Variants in CDH4 observed in about 807,000 individuals in gnomAD.
The protein encoded by CDH4 is cadherin-4.
A neutral mutation model predicts 86.0 loss-of-function variants in CDH4; 33 were observed. The ratio of observed to expected loss-of-function variants is 0.38; its 90% CI spans 0.29 to 0.51. The LOEUF (loss-of-function observed/expected upper bound fraction) is 0.51. Among genes scored for constraint, CDH4 ranks in the 20% least tolerant of loss-of-function variants. CDH4 has a pLI of 0.86. For synonymous variants in CDH4, 555 were observed against 549.4 expected, an observed-to-expected ratio of 1.01 and a Z score of -0.14; for missense variants, 1,114 against 1,307.4, an observed-to-expected ratio of 0.85 and a Z score of 2.28.
intron 4 of CDH4, among the ~76,000 whole-genome samples, chr20:61,793,305 C>T (rs1295912242): frequency 6.6e-6 from 1 of 151,464 alleles, no homozygotes; most frequent in Non-Finnish European, 1.5e-5. Flanking sequence ...CACTCCCAAG[C>T]AGAGCAAACA....
At chr20:61,852,499 A>T (rs1954036251) in intron 5 of CDH4, among the ~76,000 whole-genome samples, 1 of 152,042 alleles carries the variant, frequency 6.6e-6, no homozygotes, top group Non-Finnish European at 1.5e-5. Flanking sequence ...CCTGGGCCTG[A>T]CCATGGGGTG....
chr20:61,544,316 C>A lies in CDH4; in HGVS notation c.170-199247C>A, dbSNP rs1212605188. On this transcript the variant is annotated intron_variant, in intron 2 of 15. Transcript: ENST00000614565. The surrounding 1 kb of genome is among the most constrained non-coding windows in gnomAD (Gnocchi z 6.5). ...CGGCTAAACACCCCACAGCCCAGGA[C>A]AGCCTCGCAGCAGAAGCATCCAGCT... Among the ~76,000 whole-genome samples, 1 of 151,990 alleles carries A rather than the reference C, an allele frequency of 6.6e-6. No homozygotes were observed. Among genetic ancestry groups the A allele is most frequent in the Non-Finnish European group, 1.5e-5 (1 of 68,004 alleles).
chr20:61,522,956 A>G (rs2085883330), intron 2 of CDH4, among the ~76,000 whole-genome samples: 1 of 152,230 alleles, frequency 6.6e-6, no homozygotes, highest in African/African-American at 2.4e-5. Context: ...TGCATCTGGC[A>G]GTGCCCTGGC....
At chr20:61,285,645 G>C (rs193126015) in intron 2 of CDH4, among the ~76,000 whole-genome samples, 2 of 152,240 alleles carry the variant, frequency 1.3e-5, no homozygotes, top group Non-Finnish European at 2.9e-5. Context: ...GATGGATAGT[G>C]TATTCAGTTT....
chr20:61,679,767 G>A (rs2087488920), intron 2 of CDH4, among the ~76,000 whole-genome samples: 1 of 152,230 alleles, frequency 6.6e-6, no homozygotes, highest in Middle Eastern at 3.2e-3. Context: ...GGACGTTCTG[G>A]TTTCAGCAGC....
chr20:61,596,035 G>A (rs985158656), intron 2 of CDH4, among the ~76,000 whole-genome samples: 2 of 152,188 alleles, frequency 1.3e-5, no homozygotes, highest in Non-Finnish European at 2.9e-5. Context: ...GCATCCTTTG[G>A]GAACACACAG....
At chr20:61,362,199 G>A (rs1444735263) in intron 2 of CDH4, among the ~76,000 whole-genome samples, 1 of 152,190 alleles carries the variant, frequency 6.6e-6, no homozygotes, top group Non-Finnish European at 1.5e-5. Flanking sequence ...CACAGCAAGT[G>A]CAAAGCCTGG....
At position 61,934,369 on chromosome 20, in the gene CDH4, C is replaced by T. The variant is rs981012100; in HGVS notation, c.2544+149C>T. 6.2e-6 allele frequency: 5 copies of T among 812,300 alleles called. No individual in the cohort carries two copies. In the African/African-American group the frequency reaches 8.9e-5, roughly 14 times the overall value. The allele number at this position is 812,300 out of a possible 1,614,324, so 50.3% of individuals were successfully genotyped here. The stretch of plus-strand genomic sequence containing the variant: ...ACCCGGGTTCCAGGCCCTGCTCTGC[C>T]CCTCCAGCGGGGTGGCCTGGGCAAA... On this transcript the variant is annotated intron_variant, in intron 15 of 15. Coordinates refer to ENST00000614565, the MANE Select transcript of CDH4 (RefSeq NM_001794.5).
At chr20:61,854,990 C>A in intron 6 of CDH4, among the ~76,000 whole-genome samples, 1 of 121,370 alleles carries the variant, frequency 8.2e-6, no homozygotes, top group Non-Finnish European at 1.7e-5. Context: ...GCAGTGTGAA[C>A]AGGGTGAATT....
At chr20:61,818,780 G>C (rs1281246358) in intron 4 of CDH4, among the ~76,000 whole-genome samples, 1 of 151,836 alleles carries the variant, frequency 6.6e-6, no homozygotes, top group Non-Finnish European at 1.5e-5. Flanking sequence ...GGGGATTCCA[G>C]GATGGTGGGC....
chr20:61,928,108 G>C, intron 11 of CDH4, 82 bp from the exon 12 acceptor site: 1 of 1,058,974 alleles, frequency 9.4e-7, no homozygotes, highest in South Asian at 1.3e-5. Context: ...GTGGTTGTTT[G>C]TGTGCGTGTC....
In CDH4 at chr20:61,501,162, G is replaced by A. The variant is rs1196064727; in HGVS notation, c.170-242401G>A. Among the ~76,000 whole-genome samples, 1 of 152,194 alleles carries A rather than the reference G, an allele frequency of 6.6e-6. No individual in the cohort carries two copies. Among genetic ancestry groups the A allele is most frequent in the African/African-American group, 2.4e-5 (1 of 41,458 alleles). ...AACAGGCCACATCCGCTCCTGCTCT[G>A]AGCTACAATAGACTCAGGCTGGGGG... On this transcript the variant is annotated intron_variant, in intron 2 of 15. Coordinates refer to ENST00000614565, the MANE Select transcript of CDH4 (RefSeq NM_001794.5). The surrounding 1 kb of genome is among the most constrained non-coding windows in gnomAD (Gnocchi z 4.2).
intron 3 of CDH4, among the ~76,000 whole-genome samples, chr20:61,768,300 T>C (rs535977249): frequency 1.7e-4 from 26 of 152,210 alleles, no homozygotes; most frequent in Non-Finnish European, 3.4e-4. Context: ...TGTGTGTACA[T>C]GTAGTCATAC....
At chr20:61,455,086 G>A (rs1265579951) in intron 2 of CDH4, among the ~76,000 whole-genome samples, 2 of 152,092 alleles carry the variant, frequency 1.3e-5, no homozygotes, top group Non-Finnish European at 2.9e-5. Context: ...ACCCCAAAAA[G>A]TTCTATGTAA....
At chr20:61,331,636 GACCCACCTCCC>G (rs2084577189) in intron 2 of CDH4, among the ~76,000 whole-genome samples, 2 of 40,486 alleles carry the variant, frequency 4.9e-5, no homozygotes, top group East Asian at 6.4e-4. Context: ...TCCTGCCCCA[GACCCACCTCCC>G]GCCCCAGCCA....
intron 2 of CDH4, among the ~76,000 whole-genome samples, chr20:61,636,926 CCTGATGGTCCCCTGCAAAGA>C (rs2086953365): frequency 6.6e-6 from 1 of 152,196 alleles, no homozygotes; most frequent in Non-Finnish European, 1.5e-5. Flanking sequence ...ACTCACCTCC[CCTGATGGTCCCCTGCAAAGA>C]CTGCAGCAGC....
chr20:61,907,933 C>G (rs2054808733), intron 8 of CDH4, among the ~76,000 whole-genome samples: 1 of 152,180 alleles, frequency 6.6e-6, no homozygotes, highest in Non-Finnish European at 1.5e-5. Flanking sequence ...GGGCTGAGAT[C>G]CCACTTTGGA....
intron 2 of CDH4, among the ~76,000 whole-genome samples, chr20:61,263,161 C>T (rs6028085): frequency 0.69 from 105,261 of 151,888 alleles, 36,974 homozygotes; most frequent in East Asian, 0.82. Context: ...ATGGCATTTG[C>T]AGGCTCCTTC....
At chr20:61,615,654 A>G (rs1017256166) in intron 2 of CDH4, among the ~76,000 whole-genome samples, 5 of 152,204 alleles carry the variant, frequency 3.3e-5, no homozygotes, top group Non-Finnish European at 1.5e-5. Flanking sequence ...AAGGAAAAGC[A>G]TATATCTAGG....
Sources: gnomAD v4.1 joint callset for allele counts (sites outside exome capture counted in the v4.1 genomes callset) on GRCh38, gnomAD v4.1.1 for gene constraint, Gnocchi (gnomAD v3.1) non-coding constraint, MANE v1.5 for transcripts, NCBI Gene and HGNC (gene_info 2026-07-23, HGNC 2026-07-21) for gene names.